Variants in EFCAB5 observed in about 807,000 individuals in gnomAD.
EFCAB5 encodes EF-hand calcium binding domain 5.
Under a neutral mutation model 167.9 loss-of-function variants are expected in EFCAB5, and 131 were observed. The ratio of observed to expected loss-of-function variants is 0.78; its 90% CI spans 0.68 to 0.90. EFCAB5 has a LOEUF of 0.90. Among genes scored for constraint, EFCAB5 ranks in the 40% least tolerant of loss-of-function variants. EFCAB5 has a pLI of 0.00. For synonymous variants in EFCAB5, 574 were observed against 602.8 expected (o/e 0.95, Z 0.70); for missense variants, 1,663 against 1,745.2 (o/e 0.95, Z 0.84).
At chr17:29,986,028 A>G (rs1480924593) in intron 4 of EFCAB5, among the ~76,000 whole-genome samples, 1 of 152,212 alleles carries the variant, frequency 6.6e-6, no homozygotes, top group African/African-American at 2.4e-5. Flanking sequence ...CACAATCATC[A>G]TTGAAATCAC....
At chr17:30,049,672 A>G (rs2070030540) in intron 8 of EFCAB5, among the ~76,000 whole-genome samples, 1 of 152,212 alleles carries the variant, frequency 6.6e-6, no homozygotes, top group Non-Finnish European at 1.5e-5. Context: ...TAATGATACC[A>G]TTTTTATCTA....
At chr17:29,970,812 C>T (rs969597181) in intron 4 of EFCAB5, among the ~76,000 whole-genome samples, 4 of 152,260 alleles carry the variant, frequency 2.6e-5, no homozygotes, top group Non-Finnish European at 4.4e-5. Context: ...TGGTAGCTCA[C>T]GCCTGTAATC....
intron 1 of EFCAB5, among the ~76,000 whole-genome samples, chr17:29,932,457 T>G (rs1417206534): frequency 6.8e-4 from 95 of 139,706 alleles, no homozygotes; most frequent in African/African-American, 2.4e-3. Flanking sequence ...GGCTTTTTTT[T>G]TTTTTTTTTT....
Position 30,054,111 on chromosome 17 carries a change from G to A in EFCAB5, c.2157G>A (p.Glu719=). The part of the protein sequence containing the change: ...EEIFLSSELQ[E]EVPTLSRKDH... ...TATTCCTGAGTTCTGAACTGCAAGA[G>A]GAAGTTCCAACCTTAAGCAGAAAAG... Residue 719 remains glutamate (E), a synonymous_variant, in exon 10 of 23, where the codon GAG becomes GAA. Transcript: ENST00000394835. The A allele has an allele frequency of 1.3e-6, 2 of 1,573,638 alleles. No individual in the cohort carries two copies. The highest frequency in any genetic ancestry group is 4.5e-5 in the East Asian group (2 of 43,994).
intron 12 of EFCAB5, among the ~76,000 whole-genome samples, chr17:30,056,545 T>A (rs1259071098): frequency 6.6e-6 from 1 of 152,148 alleles, no homozygotes; most frequent in East Asian, 1.9e-4. Context: ...CATCTAAACA[T>A]ATGAGACAAG....
intron 3 of EFCAB5, among the ~76,000 whole-genome samples, chr17:29,962,898 C>A (rs899936436): frequency 6.6e-6 from 1 of 152,044 alleles, no homozygotes; most frequent in Non-Finnish European, 1.5e-5. Context: ...AGGGAGAAAG[C>A]TTTCAGTGTT....
intron 4 of EFCAB5, among the ~76,000 whole-genome samples, chr17:29,974,475 C>T (rs1172140496): frequency 1.3e-5 from 2 of 150,678 alleles, no homozygotes; most frequent in Non-Finnish European, 3.0e-5. Context: ...CCTGGGAGAT[C>T]AAGACTGCAG....
chr17:29,990,644 G>A (rs1270869569), intron 4 of EFCAB5, among the ~76,000 whole-genome samples: 1 of 152,128 alleles, frequency 6.6e-6, no homozygotes, highest in Non-Finnish European at 1.5e-5. Context: ...AGAGAACCTG[G>A]TCCATATTGA....
intron 22 of EFCAB5, among the ~76,000 whole-genome samples, chr17:30,107,049 T>A (rs2071458298): frequency 6.6e-6 from 1 of 151,896 alleles, no homozygotes. Context: ...TGTTCAACTC[T>A]ATATAGTCTT....
chr17:29,971,318 A>G (rs2067951187), intron 4 of EFCAB5, among the ~76,000 whole-genome samples: 1 of 152,112 alleles, frequency 6.6e-6, no homozygotes, highest in Admixed American at 6.6e-5. Context: ...GGAGGTAACC[A>G]TTGTCTGCAA....
intron 8 of EFCAB5, among the ~76,000 whole-genome samples, chr17:30,050,865 A>G (rs748158311): frequency 2.0e-5 from 3 of 152,246 alleles, no homozygotes; most frequent in Non-Finnish European, 4.4e-5. Context: ...TTAGCCATCA[A>G]TAAGTCAGTC....
chr17:29,959,650 G>A (rs2067682048), intron 3 of EFCAB5, among the ~76,000 whole-genome samples: 2 of 152,136 alleles, frequency 1.3e-5, no homozygotes, highest in African/African-American at 4.8e-5. Flanking sequence ...CTAGCATGGG[G>A]ACTCCAGGAC....
chr17:30,057,685 C>T lies in EFCAB5; in HGVS notation c.2375C>T (p.Ser792Leu), dbSNP rs201339173. The T allele has an allele frequency of 2.7e-3, 4,335 of 1,612,326 alleles. 141 individuals carry two copies. In the South Asian group the frequency reaches 0.045, roughly 17 times the overall value. The change falls in exon 13 of 23, where the codon TCA becomes TTA. Residue 792 changes from serine (S) to leucine (L), a missense_variant. By Grantham distance (145) the Ser-to-Leu change is moderately radical. Coordinates refer to ENST00000394835, the MANE Select transcript of EFCAB5 (RefSeq NM_198529.4). ...GTTTCTTGCTTGACAGATTTACACT[C>T]AATTATCAGAAATATTCAGTCTTGC... ...YGNSRFTDLH[S>L]IIRNIQSCKE...
chr17:29,940,551 C>T (rs1385096476), upstream of EFCAB5, among the ~76,000 whole-genome samples: 1 of 152,146 alleles, frequency 6.6e-6, no homozygotes, highest in Non-Finnish European at 1.5e-5. Context: ...AGGAGATGGA[C>T]ACCATAAGCA....
In EFCAB5 at chr17:30,082,961, T is replaced by A; in HGVS notation, c.3497T>A (p.Ile1166Asn). 1 of 1,614,054 alleles carries A rather than the reference T, an allele frequency of 6.2e-7. No homozygotes were observed. Among genetic ancestry groups the A allele is most frequent in the Non-Finnish European group, 8.5e-7 (1 of 1,179,900 alleles). The change falls in exon 18 of 23, where the codon ATC becomes AAC. Residue 1166 changes from isoleucine (I) to asparagine (N), a missense_variant. Coordinates refer to ENST00000394835, the MANE Select transcript of EFCAB5 (RefSeq NM_198529.4). ...HSREHILHIV[I>N]TGIGWLYDVT... Reference sequence around the variant, plus strand: ...CGGGAGCACATTCTGCATATTGTGATCACTGGCATAGGCTGGCTTTATGAC... The same window carrying A: ...CGGGAGCACATTCTGCATATTGTGAACACTGGCATAGGCTGGCTTTATGAC...
chr17:29,952,507 C>T lies in EFCAB5; in HGVS notation c.190+8858C>T, dbSNP rs554519858. ...AAAGAAAAACTGGAAATAACCCAGT[C>T]TATCTAAAAGAGAATGAATAAGCAC... is the stretch of plus-strand genomic sequence containing the variant. On this transcript the variant is annotated intron_variant, in intron 3 of 22. Coordinates refer to ENST00000394835, the MANE Select transcript of EFCAB5 (RefSeq NM_198529.4). 4.6e-5 allele frequency among the ~76,000 whole-genome samples: 7 copies of T among 152,212 alleles called. No individual in the cohort carries two copies. The South Asian group carries it at 1.5e-3, about 32-fold the overall frequency.
chr17:29,970,330 G>C (rs950543576), intron 4 of EFCAB5, among the ~76,000 whole-genome samples: 8 of 151,974 alleles, frequency 5.3e-5, no homozygotes. Flanking sequence ...TTTAACAATT[G>C]AGACTTTTAA....
chr17:29,970,257 T>G (rs2067920377), intron 4 of EFCAB5, among the ~76,000 whole-genome samples: 1 of 152,142 alleles, frequency 6.6e-6, no homozygotes, highest in Non-Finnish European at 1.5e-5. Context: ...TGGGGTGTAT[T>G]TCTGCATTTT....
intron 7 of EFCAB5, among the ~76,000 whole-genome samples, chr17:30,010,125 A>C (rs1178801260): frequency 6.6e-6 from 1 of 152,166 alleles, no homozygotes; most frequent in African/African-American, 2.4e-5. Context: ...GTCCCTACAA[A>C]GGACATGAGC....
Sources: allele counts gnomAD v4.1 joint callset (sites outside exome capture counted in the v4.1 genomes callset), GRCh38; gene constraint gnomAD v4.1.1; transcripts MANE v1.5; gene names NCBI Gene and HGNC (gene_info 2026-07-23, HGNC 2026-07-21).